Variants in C11orf71 observed in about 807,000 individuals in gnomAD.
C11orf71 encodes the protein chromosome 11 open reading frame 71, also known as uncharacterized protein C11orf71.
For synonymous variants in C11orf71, 72 were observed against 73.4 expected (o/e 0.98, Z 0.09); for missense variants, 179 against 167.6 (o/e 1.07, Z -0.38).
At chr11:114,394,257 C>CTTTTCTTTTCTTTTCTTTTCTCTTA, downstream of C11orf71, among the ~76,000 whole-genome samples, 2 of 65,476 alleles carry the variant, frequency 3.1e-5, no homozygotes, top group South Asian at 9.6e-4. Context: ...CTTTTCTTTT[C>CTTTTCTTTTCTTTTCTTTTCTCTTA]TTTTCTTTTC....
rs548229959 is a variant in C11orf71, at chr11:114,399,888, C to T, written c.*72G>A. On this transcript the variant is annotated 3_prime_UTR_variant, in exon 1 of 1. Transcript: ENST00000623205. ...ATCTAAAAATAAAACAACACGATTG[C>T]TGCTACACCAAGAAAGGATTTTAAA... 2 of 1,488,358 alleles carry T rather than the reference C, an allele frequency of 1.3e-6. No individual in the cohort carries two copies. Among genetic ancestry groups the T allele is most frequent in the African/African-American group, 1.4e-5 (1 of 71,340 alleles). The allele number at this position is 1,488,358 out of a possible 1,614,324, so 92.2% of individuals were successfully genotyped here. A position where few individuals can be genotyped will look rare whatever the true frequency, so the allele number is the denominator to read the frequency against.
chr11:114,395,332 T>C (rs1289044161), downstream of C11orf71, among the ~76,000 whole-genome samples: 1 of 152,186 alleles, frequency 6.6e-6, no homozygotes, highest in African/African-American at 2.4e-5. Context: ...CTAATCTAGA[T>C]GGATAAAAGT....
At chr11:114,393,557 A>G (rs953536872), downstream of C11orf71, among the ~76,000 whole-genome samples, 1 of 152,234 alleles carries the variant, frequency 6.6e-6, no homozygotes, top group South Asian at 2.1e-4. Flanking sequence ...GTCAGTACCT[A>G]TCTGTATGAA....
chr11:114,399,581 A>G lies in C11orf71; in HGVS notation c.*379T>C, dbSNP rs77909807. The G allele has an allele frequency of 6.4e-3, 1,125 of 176,068 alleles. 14 individuals carry two copies. The highest frequency in any genetic ancestry group is 0.025 in the African/African-American group (1,070 of 42,356). The allele number at this position is 176,068 out of a possible 1,614,324, so 10.9% of individuals were successfully genotyped here. A position where few individuals can be genotyped will look rare whatever the true frequency, so the allele number is the denominator to read the frequency against. ...ATGGAAGATGGTAAATGCCAAGGAA[A>G]AGATGGAAGGATAAATCAGTGTAAT... On this transcript the variant is annotated 3_prime_UTR_variant, in exon 1 of 1. Coordinates refer to ENST00000623205, the MANE Select transcript of C11orf71 (RefSeq NM_001271562.2).
In C11orf71 at chr11:114,399,711, A is replaced by T. The variant is rs1044381084; in HGVS notation, c.*249T>A. ...CTGGGGAGGGTGCTCCCATCAGCTC[A>T]GCTTTGTGACGACCTAAGAATATCC... On this transcript the variant is annotated 3_prime_UTR_variant, in exon 1 of 1. Coordinates refer to ENST00000623205, the MANE Select transcript of C11orf71 (RefSeq NM_001271562.2). The T allele has an allele frequency of 7.7e-6, 4 of 519,786 alleles. No homozygotes were observed. Among genetic ancestry groups the T allele is most frequent in the Non-Finnish European group, 1.3e-5 (4 of 307,138 alleles). The allele number at this position is 519,786 out of a possible 1,614,324, so 32.2% of individuals were successfully genotyped here.
chr11:114,394,228 C>CTTTTCCTTTCTTTTCTTTTCT, downstream of C11orf71, among the ~76,000 whole-genome samples: 1 of 48,704 alleles, frequency 2.1e-5, no homozygotes, highest in Admixed American at 2.7e-4. Context: ...CTTTTCTTTT[C>CTTTTCCTTTCTTTTCTTTTCT]TTTCTTTTCT....
rs1946172132 is a variant in C11orf71, at chr11:114,400,105, C to CT, written c.226dup (p.Arg76LysfsTer23). On this transcript the variant is annotated frameshift_variant, in exon 1 of 1. Coordinates refer to ENST00000623205, the MANE Select transcript of C11orf71 (RefSeq NM_001271562.2). LOFTEE classifies it low-confidence loss of function (END_TRUNC). ...GCTCCGGCCCCGGCCATCTGGTTCC[C>CT]TTGGGCTCCGGCCGCCACCATCCAC... The CT allele has an allele frequency of 6.2e-7, 1 of 1,613,520 alleles. No individual in the cohort carries two copies. Among genetic ancestry groups the CT allele is most frequent in the Admixed American group, 1.7e-5 (1 of 60,034 alleles).
At chr11:114,394,488 T>C (rs886525402), downstream of C11orf71, among the ~76,000 whole-genome samples, 1 of 151,968 alleles carries the variant, frequency 6.6e-6, no homozygotes, top group African/African-American at 2.4e-5. Context: ...AGAGATGGGG[T>C]TTCACCATGT....
rs2135345188 is a variant in C11orf71, at chr11:114,400,022, T to C, written c.310A>G (p.Ser104Gly). The C allele has an allele frequency of 6.2e-7, 1 of 1,614,048 alleles. No homozygotes were observed. The highest frequency in any genetic ancestry group is 1.1e-5 in the South Asian group (1 of 91,088). The change falls in exon 1 of 1, where the codon AGT (serine) becomes GGT (glycine). Residue 104 changes from serine to glycine, a missense_variant. Coordinates refer to ENST00000623205, the MANE Select transcript of C11orf71 (RefSeq NM_001271562.2). ...IPAVEPDLLR[S>G]VLQQRLIALG... ...GCAATCAAACGCTGTTGCAGCACAC[T>C]TCTTAGGAGATCGGGTTCAACGGCA...
At position 114,399,751 on chromosome 11, in the gene C11orf71, C is replaced by T; in HGVS notation, c.*209G>A. ...TAAGAATATCCCTTCCACACCTTTC[C>T]TGATCCAATCGTTCTGGCTGCATAA... On this transcript the variant is annotated 3_prime_UTR_variant, in exon 1 of 1. Coordinates refer to ENST00000623205, the MANE Select transcript of C11orf71 (RefSeq NM_001271562.2). 1 of 756,562 alleles carries T rather than the reference C, an allele frequency of 1.3e-6. No homozygotes were observed. Among genetic ancestry groups the T allele is most frequent in the African/African-American group, 1.8e-5 (1 of 56,882 alleles). The allele number at this position is 756,562 out of a possible 1,614,324, so 46.9% of individuals were successfully genotyped here.
downstream of C11orf71, among the ~76,000 whole-genome samples, chr11:114,394,226 T>TCC (rs1565256485): frequency 1.6e-3 from 79 of 48,482 alleles, 1 homozygote; most frequent in Non-Finnish European, 1.6e-3. Flanking sequence ...TTCTTTTCTT[T>TCC]TCTTTCTTTT....
At chr11:114,396,285 T>G (rs1469939142), downstream of C11orf71, among the ~76,000 whole-genome samples, 1 of 152,192 alleles carries the variant, frequency 6.6e-6, no homozygotes, top group Non-Finnish European at 1.5e-5. Flanking sequence ...ATCAAACAGG[T>G]GTCTTTTTCT....
rs1326868480 is a variant in C11orf71, at chr11:114,400,020, ACTT to A, written c.309_311del (p.Arg103del). 3.7e-6 allele frequency: 6 copies of A among 1,613,764 alleles called. No individual in the cohort carries two copies. The highest frequency in any genetic ancestry group is 1.6e-4 in the Middle Eastern group (1 of 6,084). ...ATGCAATCAAACGCTGTTGCAGCAC[ACTT>A]CTTAGGAGATCGGGTTCAACGGCAG... On this transcript the variant is annotated inframe_deletion, in exon 1 of 1. Coordinates refer to ENST00000623205, the MANE Select transcript of C11orf71 (RefSeq NM_001271562.2).
downstream of C11orf71, among the ~76,000 whole-genome samples, chr11:114,394,219 T>C (rs1413107695): frequency 5.1e-4 from 21 of 41,122 alleles, no homozygotes; most frequent in African/African-American, 1.9e-3. Flanking sequence ...TTTTCTTTTC[T>C]TTTCTTTTCT....
In C11orf71 at chr11:114,399,980, C is replaced by T. The variant is rs537182845; in HGVS notation, c.352G>A (p.Ala118Thr). 1.2e-6 allele frequency: 2 copies of T among 1,601,366 alleles called. No individual in the cohort carries two copies. The highest frequency in any genetic ancestry group is 1.3e-5 in the African/African-American group (1 of 74,796). Residue 118 changes from alanine to threonine, a missense_variant, in exon 1 of 1, where the codon GCA becomes ACA. Transcript: ENST00000623205. ...QRLIALGGVI[A>T]ARISV ...TTCGTTTAAACTGAAATTCGAGCTG[C>T]GATAACACCTCCTAATGCAATCAAA...
downstream of C11orf71, among the ~76,000 whole-genome samples, chr11:114,394,202 T>TCTTTG (rs1946098729): frequency 2.3e-5 from 1 of 43,828 alleles, no homozygotes; most frequent in Non-Finnish European, 4.1e-5. Flanking sequence ...TCTTTTCTTT[T>TCTTTG]CTTTTCTTTT....
Position 114,399,648 on chromosome 11 carries a change from A to T in C11orf71, c.*312T>A. 1 of 281,984 alleles carries T rather than the reference A, an allele frequency of 3.5e-6. No homozygotes were observed. Among genetic ancestry groups the T allele is most frequent in the Admixed American group, 4.7e-5 (1 of 21,472 alleles). 17.5% of individuals were successfully genotyped at this position (281,984 alleles called of 1,614,324 possible). On this transcript the variant is annotated 3_prime_UTR_variant, in exon 1 of 1. Transcript: ENST00000623205. ...TTTTCGCCAACAGAAGTAAAGGTAA[A>T]GGTTAAGTGTCTGAGTTAACGAATG... is the stretch of plus-strand genomic sequence containing the variant.
At chr11:114,394,207 T>C (rs1275891392), downstream of C11orf71, among the ~76,000 whole-genome samples, 1 of 42,410 alleles carries the variant, frequency 2.4e-5, no homozygotes, top group Admixed American at 2.5e-4. Context: ...TCTTTTCTTT[T>C]CTTTTCTTTT....
rs1307366916 is a variant in C11orf71, at chr11:114,400,034, C to G, written c.298G>C (p.Asp100His). 1.2e-6 allele frequency: 2 copies of G among 1,614,046 alleles called. No individual in the cohort carries two copies. The highest frequency in any genetic ancestry group is 4.5e-5 in the East Asian group (2 of 44,886). Reference sequence around the variant, plus strand: ...TGTTGCAGCACACTTCTTAGGAGATCGGGTTCAACGGCAGGGATTGGGTAA... The same window carrying G: ...TGTTGCAGCACACTTCTTAGGAGATGGGGTTCAACGGCAGGGATTGGGTAA... ...SPYPIPAVEP[D>H]LLRSVLQQRL... The change falls in exon 1 of 1, where the codon GAT becomes CAT. Residue 100 changes from aspartate to histidine, a missense_variant. Coordinates refer to ENST00000623205, the MANE Select transcript of C11orf71 (RefSeq NM_001271562.2).
Sources: gnomAD v4.1 joint callset for allele counts (sites outside exome capture counted in the v4.1 genomes callset) on GRCh38, gnomAD v4.1.1 for gene constraint, MANE v1.5 for transcripts, NCBI Gene and HGNC (gene_info 2026-07-23, HGNC 2026-07-21) for gene names.